The following CELF2 variants were observed in gnomAD, a reference collection of about 807,000 sequenced individuals.
CELF2 encodes the protein CUG triplet repeat RNA-binding protein 2.
In CELF2, 8 loss-of-function variants were observed where a neutral mutation model predicts 62.6. The ratio of observed to expected loss-of-function variants is 0.13; its 90% CI spans 0.07 to 0.23. The LOEUF (loss-of-function observed/expected upper bound fraction) is 0.23, where lower values mean the gene tolerates loss of function less well. CELF2 is among the 10% of genes least tolerant of loss of function. The probability of loss-of-function intolerance (pLI) is 1.00; values close to 1 mark genes in which losing one functional copy is unlikely to be tolerated. For synonymous variants in CELF2, 258 were observed against 250.0 expected (o/e 1.03, Z -0.30); for missense variants, 333 against 671.0 (o/e 0.50, Z 5.56).
intron 4 of CELF2, among the ~76,000 whole-genome samples, chr10:11,250,961 A>G (rs568732888): frequency 8.8e-4 from 134 of 152,328 alleles, no homozygotes; most frequent in African/African-American, 3.0e-3. Context: ...CTTGTGCTCC[A>G]GAGGTGCGTG....
intron 1 of CELF2, among the ~76,000 whole-genome samples, chr10:10,879,731 C>T (rs1475377714): frequency 6.6e-6 from 1 of 152,178 alleles, no homozygotes; most frequent in African/African-American, 2.4e-5. Context: ...AATGCTTTCT[C>T]TCTCCAGCGC....
chr10:10,842,425 G>A (rs987851996), intron 1 of CELF2, among the ~76,000 whole-genome samples: 1 of 151,952 alleles, frequency 6.6e-6, no homozygotes. Context: ...TTAGCAATAG[G>A]TTTTAAAATA....
chr10:10,970,618 C>G (rs2050656344), intron 2 of CELF2: 1 of 152,208 alleles, frequency 6.6e-6, no homozygotes, highest in Non-Finnish European at 1.5e-5. Context: ...ACCCAAAGCA[C>G]TGATTATTTC....
chr10:10,698,968 AATTAT>A, the CELF2 span, among the ~76,000 whole-genome samples: 390 of 152,196 alleles, frequency 2.6e-3, 4 homozygotes, highest in African/African-American at 8.6e-3. Context: ...TATCATACAT[AATTAT>A]ATTATATAAC....
intron 1 of CELF2, among the ~76,000 whole-genome samples, chr10:10,867,361 G>C (rs764410037): frequency 6.6e-6 from 1 of 152,200 alleles, no homozygotes; most frequent in East Asian, 1.9e-4. Flanking sequence ...TTACTGACAA[G>C]TGGAAATATT....
At chr10:11,149,503 A>G (rs756583877) in intron 1 of CELF2, among the ~76,000 whole-genome samples, 5 of 152,216 alleles carry the variant, frequency 3.3e-5, no homozygotes, top group Admixed American at 1.3e-4. Context: ...AATCTTTTCT[A>G]TAAAGTAAAT....
At chr10:10,532,293 A>G in the CELF2 span, among the ~76,000 whole-genome samples, 1 of 152,226 alleles carries the variant, frequency 6.6e-6, no homozygotes, top group African/African-American at 2.4e-5. Flanking sequence ...TAAGCCACAC[A>G]TCTGTTTGAA....
the CELF2 span, among the ~76,000 whole-genome samples, chr10:10,561,814 G>A: frequency 2.6e-5 from 4 of 152,266 alleles, no homozygotes; most frequent in Non-Finnish European, 5.9e-5. Flanking sequence ...CTTCTAGGAC[G>A]GACAGTGGTG....
intron 9 of CELF2, among the ~76,000 whole-genome samples, chr10:11,304,890 G>T (rs536678598): frequency 6.6e-6 from 1 of 152,204 alleles, no homozygotes; most frequent in Non-Finnish European, 1.5e-5. Flanking sequence ...TGGCTGGGGG[G>T]TGAACAGAGA....
the CELF2 span, among the ~76,000 whole-genome samples, chr10:10,682,471 C>T: frequency 5.0e-3 from 763 of 152,348 alleles, 22 homozygotes; most frequent in South Asian, 0.077. Flanking sequence ...CAGAGCTACA[C>T]AAAGGAGTGA....
At chr10:10,688,908 G>A in the CELF2 span, among the ~76,000 whole-genome samples, 1 of 152,012 alleles carries the variant, frequency 6.6e-6, no homozygotes, top group African/African-American at 2.4e-5. Context: ...GGAGGCTAAG[G>A]CAGGAGAATT....
At chr10:10,896,687 G>A (rs922618097) in intron 1 of CELF2, among the ~76,000 whole-genome samples, 1 of 152,148 alleles carries the variant, frequency 6.6e-6, no homozygotes, top group African/African-American at 2.4e-5. Context: ...TCAGAAGGTA[G>A]GAAGAGACAA....
In CELF2 at chr10:10,819,047, G is replaced by T. The variant is rs2056740647; in HGVS notation, c.53+20230G>T. ...CAGACATGGGATGAGCCCAGACTTG[G>T]GCTGATAGTGATTGCATTTACCTGG... On this transcript the variant is annotated intron_variant, in intron 1 of 13. Transcript: ENST00000636488. Among the ~76,000 whole-genome samples the T allele has an allele frequency of 2.0e-5, 3 of 152,190 alleles. No individual in the cohort carries two copies. The South Asian group carries it at 6.2e-4, about 32-fold the overall frequency.
the CELF2 span, among the ~76,000 whole-genome samples, chr10:10,581,028 T>C: frequency 2.0e-5 from 3 of 152,258 alleles, no homozygotes; most frequent in Non-Finnish European, 4.4e-5. Flanking sequence ...ATAGTCATTA[T>C]TGCCTGTATG....
At chr10:10,687,628 T>C in the CELF2 span, among the ~76,000 whole-genome samples, 5 of 152,222 alleles carry the variant, frequency 3.3e-5, no homozygotes, top group African/African-American at 1.2e-4. Flanking sequence ...AAATGTTCAA[T>C]AGAACTTCAT....
intron 1 of CELF2, among the ~76,000 whole-genome samples, chr10:11,066,151 C>T (rs189417854): frequency 1.3e-5 from 2 of 152,156 alleles, no homozygotes; most frequent in East Asian, 1.9e-4. Context: ...TCCATGGCAC[C>T]GGGAGTAAAG....
At chr10:10,670,941 G>A in the CELF2 span, among the ~76,000 whole-genome samples, 1 of 152,004 alleles carries the variant, frequency 6.6e-6, no homozygotes, top group South Asian at 2.1e-4. Flanking sequence ...GGCTGAGCAG[G>A]TGGATCACTT....
At chr10:11,320,026 A>G (rs1437253549) in intron 10 of CELF2, 5 of 351,464 alleles carry the variant, frequency 1.4e-5, no homozygotes, top group Non-Finnish European at 2.8e-5. Flanking sequence ...CATATCTCCA[A>G]TCAATAGCCC....
chr10:10,845,385 G>T (rs1164791736), intron 1 of CELF2, among the ~76,000 whole-genome samples: 1 of 149,482 alleles, frequency 6.7e-6, no homozygotes, highest in Non-Finnish European at 1.5e-5. Flanking sequence ...ATGTTCTCGG[G>T]ATAGTATCTG....
Sources: allele counts gnomAD v4.1 joint callset (sites outside exome capture counted in the v4.1 genomes callset), GRCh38; gene constraint gnomAD v4.1.1; transcripts MANE v1.5; gene names NCBI Gene and HGNC (gene_info 2026-07-23, HGNC 2026-07-21).